Variants in RTEL1 observed in about 807,000 individuals in gnomAD.
The protein encoded by RTEL1 is regulator of telomere length.
In RTEL1, 86 loss-of-function variants were observed where a neutral mutation model predicts 162.2. The observed-to-expected ratio is 0.53, with a 90% CI of 0.45 to 0.63. The LOEUF (loss-of-function observed/expected upper bound fraction) is 0.63, where lower values mean the gene tolerates loss of function less well. Ranked by LOEUF, RTEL1 falls within the 30% of genes least tolerant of loss-of-function variation. RTEL1 has a pLI of 0.00. For synonymous variants in RTEL1, 958 were observed against 717.9 expected, an observed-to-expected ratio of 1.33 and a Z score of -5.35; for missense variants, 1,941 against 1,750.2, an observed-to-expected ratio of 1.11 and a Z score of -1.95.
chr20:63,693,597 TCCACCACCA>T (rs1568721114), intron 30 of RTEL1, among the ~76,000 whole-genome samples: 12 of 2,780 alleles, frequency 4.3e-3, no homozygotes, highest in Middle Eastern at 0.1. Context: ...CACCTCCACC[TCCACCACCA>T]CCACCTCCAC....
At chr20:63,688,933 C>G (rs2090658549) in intron 21 of RTEL1, 122 bp from the exon 22 acceptor site, 1 of 869,692 alleles carries the variant, frequency 1.1e-6, no homozygotes, top group Non-Finnish European at 1.8e-6. Flanking sequence ...CTTCCAGAAC[C>G]CGATTGGCCT....
chr20:63,661,732 C>T lies in RTEL1; in HGVS notation c.302-118C>T, dbSNP rs1280101014. 3 of 983,920 alleles carry T rather than the reference C, an allele frequency of 3.0e-6. No homozygotes were observed. The highest frequency in any genetic ancestry group is 4.7e-6 in the Non-Finnish European group (3 of 633,058). The allele number at this position is 983,920 out of a possible 1,614,324, so 60.9% of individuals were successfully genotyped here. Reference sequence around the variant, plus strand: ...TCACCCATTTTTGATAAACCAGTATCTGGGGTGTCAGATTCTTGGCTGTCT... The same window carrying T: ...TCACCCATTTTTGATAAACCAGTATTTGGGGTGTCAGATTCTTGGCTGTCT... On this transcript the variant is annotated intron_variant, in intron 3 of 34. Transcript: ENST00000360203. The surrounding 1 kb of genome is among the most constrained non-coding windows in gnomAD (Gnocchi z 5.1).
chr20:63,692,047 C>T, intron 28 of RTEL1: 1 of 537,082 alleles, frequency 1.9e-6, no homozygotes, highest in Non-Finnish European at 3.4e-6. Flanking sequence ...GGAATCAGGC[C>T]CCACCCTTGG....
Position 63,659,329 on chromosome 20 carries a change from G to A in RTEL1, c.-74G>A. 1.0e-6 allele frequency: 1 copy of A among 998,880 alleles called. No individual in the cohort carries two copies. The highest frequency in any genetic ancestry group is 1.6e-6 in the Non-Finnish European group (1 of 624,082). The allele number at this position is 998,880 out of a possible 1,614,324, so 61.9% of individuals were successfully genotyped here. On this transcript the variant is annotated 5_prime_UTR_variant, in exon 2 of 35. Transcript: ENST00000360203. Reference sequence around the variant, plus strand: ...AGTGCCCGAGACCCTAAGATGTTCGGAGTGGTTTTTTCGCACAGACCCGAA... The same window carrying A: ...AGTGCCCGAGACCCTAAGATGTTCGAAGTGGTTTTTTCGCACAGACCCGAA...
chr20:63,689,277 G>C lies in RTEL1; in HGVS notation c.1878+145G>C, dbSNP rs146501621. The C allele has an allele frequency of 5.2e-3, 4,803 of 916,346 alleles. 55 individuals are homozygous for C. Among genetic ancestry groups the C allele is most frequent in the Middle Eastern group, 0.044 (129 of 2,924 alleles). 56.8% of individuals were successfully genotyped at this position (916,346 alleles called of 1,614,324 possible). ...AGCGACTGCTGGCCCTGCTGGGAGC[G>C]TGTCCTGCTCTGGGCCTGGGCAGGC... On this transcript the variant is annotated intron_variant, in intron 22 of 34. Transcript: ENST00000360203.
At chr20:63,689,963 C>T (rs1000855168) in intron 24 of RTEL1, 98 bp downstream of exon 24, 1 of 1,553,162 alleles carries the variant, frequency 6.4e-7, no homozygotes, top group African/African-American at 1.3e-5. Flanking sequence ...CCGTCTCCTC[C>T]AGAGCCTCTC....
chr20:63,675,223 A>C (rs138044582), intron 10 of RTEL1, among the ~76,000 whole-genome samples: 41 of 152,288 alleles, frequency 2.7e-4, no homozygotes, highest in Non-Finnish European at 4.7e-4. Context: ...TATTTTCTAC[A>C]TGGCTTCTGT....
At position 63,692,865 on chromosome 20, in the gene RTEL1, C is replaced by T; in HGVS notation, c.2713C>T (p.Gln905Ter). ...RAKLFMVAVK[Q>*]ELSQANFATF... Reference sequence around the variant, plus strand: ...CAAGCTCTTCATGGTGGCCGTGAAGCAGGAGTTGAGCCAAGCCAACTTTGC... The same window carrying T: ...CAAGCTCTTCATGGTGGCCGTGAAGTAGGAGTTGAGCCAAGCCAACTTTGC... The change falls in exon 29 of 35, where the codon CAG becomes TAG. Residue 905 changes from glutamine to a stop codon, truncating the protein, a stop_gained. Coordinates refer to ENST00000360203, the MANE Select transcript of RTEL1 (RefSeq NM_001283009.2). LOFTEE classifies it high-confidence loss of function. 1 of 1,612,672 alleles carries T rather than the reference C, an allele frequency of 6.2e-7. No individual in the cohort carries two copies. The highest frequency in any genetic ancestry group is 8.5e-7 in the Non-Finnish European group (1 of 1,179,872).
chr20:63,688,755 G>C lies in RTEL1; in HGVS notation c.1800+150G>C, dbSNP rs2090654381. On this transcript the variant is annotated intron_variant, in intron 21 of 34. Coordinates refer to ENST00000360203, the MANE Select transcript of RTEL1 (RefSeq NM_001283009.2). ...GCTCCTGCGTTTCCTTCCTGGCCCT[G>C]AGTGTTGCCTCTTATCTTACAAAGC... 9 of 698,746 alleles carry C rather than the reference G, an allele frequency of 1.3e-5. 1 individual carries two copies. In the South Asian group the frequency reaches 1.7e-4, roughly 13 times the overall value. 43.3% of individuals were successfully genotyped at this position (698,746 alleles called of 1,614,324 possible).
At chr20:63,681,457 G>T in intron 14 of RTEL1, 1 of 985,282 alleles carries the variant, frequency 1.0e-6, no homozygotes, top group Non-Finnish European at 1.2e-6. Context: ...TGCTGCCCAC[G>T]CTGTACCTGC....
In RTEL1 at chr20:63,687,946, A is replaced by G; in HGVS notation, c.1491A>G (p.Pro497=). 1.2e-6 allele frequency: 2 copies of G among 1,612,504 alleles called. No individual in the cohort carries two copies. The highest frequency in any genetic ancestry group is 1.7e-6 in the Non-Finnish European group (2 of 1,179,804). Residue 497 remains proline (P), a synonymous_variant, in exon 18 of 35, where the codon CCA becomes CCG. Coordinates refer to ENST00000360203, the MANE Select transcript of RTEL1 (RefSeq NM_001283009.2). ...CTCTGGCCACGCTCAGCCCTTTCCC[A>G]GTCTGCCTGGAGAACCCACACATCA... ...SFALEMQIPF[P]VCLENPHIID...
intron 14 of RTEL1, chr20:63,682,626 T>C: frequency 1.0e-6 from 1 of 985,822 alleles, no homozygotes; most frequent in Non-Finnish European, 1.2e-6. Flanking sequence ...CTGCACACAG[T>C]GCTCACCCGC....
In RTEL1 at chr20:63,696,050, C is replaced by G; in HGVS notation, c.*192C>G. The stretch of plus-strand genomic sequence containing the variant: ...CGGATCTGGGCCTGCCTCTGAGAAG[C>G]CCTGAGCTACCTTGGGGTCTGGGGT... On this transcript the variant is annotated 3_prime_UTR_variant, in exon 35 of 35. Transcript: ENST00000360203. The G allele has an allele frequency of 1.7e-6, 1 of 600,912 alleles. No homozygotes were observed. The highest frequency in any genetic ancestry group is 3.1e-5 in the Admixed American group (1 of 32,620). 37.2% of individuals were successfully genotyped at this position (600,912 alleles called of 1,614,324 possible).
chr20:63,689,893 C>T (rs776094705), intron 24 of RTEL1, 28 bp downstream of exon 24: 50 of 1,582,620 alleles, frequency 3.2e-5, no homozygotes, highest in Middle Eastern at 1.7e-4. Flanking sequence ...GCAGGCGCGG[C>T]GCCAGGGGAC....
intron 9 of RTEL1, 49 bp downstream of exon 9, chr20:63,672,670 T>C: frequency 6.8e-7 from 1 of 1,475,754 alleles, no homozygotes. Flanking sequence ...TCTGGCCTTT[T>C]TGTCAAGAGC....
intron 10 of RTEL1, among the ~76,000 whole-genome samples, chr20:63,677,150 T>C (rs985191771): frequency 2.8e-4 from 42 of 152,200 alleles, no homozygotes; most frequent in Non-Finnish European, 2.1e-4. Context: ...GCTCCAGACC[T>C]GGAATCAGCC....
At chr20:63,666,575 A>C (rs1411122299) in intron 7 of RTEL1, among the ~76,000 whole-genome samples, 2 of 152,110 alleles carry the variant, frequency 1.3e-5, no homozygotes, top group African/African-American at 4.8e-5. Flanking sequence ...TCGCTCTGCT[A>C]CCCAGGCTGC....
chr20:63,694,139 C>T (rs948833449), intron 30 of RTEL1, among the ~76,000 whole-genome samples: 10 of 152,136 alleles, frequency 6.6e-5, no homozygotes, highest in Non-Finnish European at 1.3e-4. Context: ...ACCCAGCCTA[C>T]GGCTCTGAGC....
At chr20:63,679,466 C>T (rs536099324) in intron 12 of RTEL1, among the ~76,000 whole-genome samples, 1 of 148,694 alleles carries the variant, frequency 6.7e-6, no homozygotes, top group South Asian at 2.1e-4. Context: ...CTTGACGACC[C>T]CCTAGTGACC....
Sources: gnomAD v4.1 joint callset for allele counts (sites outside exome capture counted in the v4.1 genomes callset) on GRCh38, gnomAD v4.1.1 for gene constraint, Gnocchi (gnomAD v3.1) non-coding constraint, MANE v1.5 for transcripts, NCBI Gene and HGNC (gene_info 2026-07-23, HGNC 2026-07-21) for gene names.